UNC5D: variants seen among roughly 807,000 people sequenced by gnomAD.
UNC5D encodes the protein netrin receptor UNC5D.
UNC5D carries 39 observed loss-of-function variants against 105.4 expected under a neutral mutation model. That is an observed-to-expected ratio of 0.37 (90% CI 0.29 to 0.48). The LOEUF is 0.48. Among genes scored for constraint, UNC5D ranks in the 20% least tolerant of loss-of-function variants. UNC5D has a pLI of 0.98. For missense variants in UNC5D, 991 were observed against 1,202.4 expected (o/e 0.82, Z 2.60); for synonymous variants, 452 against 450.4 (o/e 1.00, Z -0.04).
chr8:35,298,112 C>T (rs1807638923), intron 1 of UNC5D, among the ~76,000 whole-genome samples: 1 of 152,174 alleles, frequency 6.6e-6, no homozygotes, highest in African/African-American at 2.4e-5. Context: ...TCTGAATATG[C>T]AAGTCCTGGG....
chr8:35,782,527 G>A (rs1055099692), intron 16 of UNC5D, among the ~76,000 whole-genome samples: 5 of 140,820 alleles, frequency 3.6e-5, no homozygotes, highest in Admixed American at 7.2e-5. Context: ...TTTTTGAGAC[G>A]GAGTCTCACC....
rs1806021727 is a variant in UNC5D at position 35,423,108 on chromosome 8, A to T, written c.104-126184A>T. Among the ~76,000 whole-genome samples the T allele has an allele frequency of 2.0e-5, 3 of 152,356 alleles. No homozygotes were observed. The South Asian group carries it at 6.2e-4, about 32-fold the overall frequency. ...GCTTTTGAGAAGCAGCTGCAATGCA[A>T]CTTAACCTGTGGTTTAGTGGTCAAT... is the stretch of plus-strand genomic sequence containing the variant. On this transcript the variant is annotated intron_variant, in intron 1 of 16. Transcript: ENST00000404895.
chr8:35,610,494 A>T lies in UNC5D; in HGVS notation c.570+14837A>T, dbSNP rs571815406. 1.1e-3 allele frequency among the ~76,000 whole-genome samples: 164 copies of T among 152,286 alleles called. 1 individual carries two copies. Among genetic ancestry groups the T allele is most frequent in the African/African-American group, 3.8e-3 (156 of 41,568 alleles). On this transcript the variant is annotated intron_variant, in intron 4 of 16. Transcript: ENST00000404895. ...ATAAAACTAAGAACAGAGCACTGAG[A>T]CTGTGGAATTTTTGGAGGCCGAGGG... is the stretch of plus-strand genomic sequence containing the variant.
At chr8:35,704,362 A>G (rs1392172202) in intron 7 of UNC5D, among the ~76,000 whole-genome samples, 1 of 152,226 alleles carries the variant, frequency 6.6e-6, no homozygotes, top group Non-Finnish European at 1.5e-5. Flanking sequence ...AGTTAGGGTG[A>G]GAAAGACTCT....
intron 1 of UNC5D, among the ~76,000 whole-genome samples, chr8:35,250,582 C>A (rs957395802): frequency 1.6e-4 from 24 of 152,104 alleles, no homozygotes; most frequent in African/African-American, 5.6e-4. Flanking sequence ...GCAACCTCCG[C>A]CTCCCTGGCT....
chr8:35,694,679 A>G (rs1198822445), intron 7 of UNC5D, among the ~76,000 whole-genome samples: 2 of 151,698 alleles, frequency 1.3e-5, no homozygotes, highest in Non-Finnish European at 2.9e-5. Context: ...TCTATTATAC[A>G]AAATAGCAAT....
At chr8:35,255,715 T>G (rs1804033154) in intron 1 of UNC5D, 1 of 152,222 alleles carries the variant, frequency 6.6e-6, no homozygotes, top group African/African-American at 2.4e-5. Context: ...AATATCTCAG[T>G]TGTGGTATAG....
At chr8:35,305,796 C>T (rs2128874826) in intron 1 of UNC5D, among the ~76,000 whole-genome samples, 1 of 146,794 alleles carries the variant, frequency 6.8e-6, no homozygotes, top group East Asian at 2.0e-4. Context: ...TTCTTTCTTT[C>T]TCTCTTTTCT....
intron 1 of UNC5D, among the ~76,000 whole-genome samples, chr8:35,436,614 A>G (rs1361424817): frequency 6.6e-6 from 1 of 151,938 alleles, no homozygotes; most frequent in Non-Finnish European, 1.5e-5. Context: ...GTCATACAGA[A>G]ATTTTTAGTA....
chr8:35,696,931 G>T (rs964572836), intron 7 of UNC5D, among the ~76,000 whole-genome samples: 1 of 151,962 alleles, frequency 6.6e-6, no homozygotes, highest in Non-Finnish European at 1.5e-5. Flanking sequence ...GATATCATAG[G>T]GTAGTAAAAA....
chr8:35,765,249 G>A lies in UNC5D; in HGVS notation c.2314-1653G>A, dbSNP rs560430433. Among the ~76,000 whole-genome samples the A allele has an allele frequency of 2.9e-3, 435 of 152,278 alleles. 4 individuals carry two copies. Among genetic ancestry groups the A allele is most frequent in the Non-Finnish European group, 3.6e-3 (247 of 68,018 alleles). ...TGGGAATGTGAACTCCTGCCAGCAGGGGAGTCTATAAAATGTAGTTTTTAG... is the reference window on the plus strand; with the variant it reads ...TGGGAATGTGAACTCCTGCCAGCAGAGGAGTCTATAAAATGTAGTTTTTAG... On this transcript the variant is annotated intron_variant, in intron 14 of 16. Coordinates refer to ENST00000404895, the MANE Select transcript of UNC5D (RefSeq NM_080872.4).
intron 1 of UNC5D, chr8:35,525,712 G>T (rs1020714677): frequency 2.5e-6 from 4 of 1,594,332 alleles, no homozygotes; most frequent in Middle Eastern, 2.2e-4. Flanking sequence ...TGGCACGTCC[G>T]GCACGACACC....
intron 1 of UNC5D, among the ~76,000 whole-genome samples, chr8:35,449,763 T>TAA (rs1380818110): frequency 2.6e-5 from 4 of 152,140 alleles, no homozygotes; most frequent in Non-Finnish European, 5.9e-5. Context: ...TGACCTACTG[T>TAA]TTGCACATGG....
intron 1 of UNC5D, among the ~76,000 whole-genome samples, chr8:35,418,128 A>T (rs571396703): frequency 6.6e-6 from 1 of 151,544 alleles, no homozygotes; most frequent in African/African-American, 2.4e-5. Context: ...GATTTTAAAT[A>T]TTTTTTTTTA....
intron 1 of UNC5D, among the ~76,000 whole-genome samples, chr8:35,495,436 A>T (rs558062932): frequency 3.4e-4 from 51 of 148,174 alleles, no homozygotes; most frequent in African/African-American, 1.3e-3. Flanking sequence ...CACTAGTGAA[A>T]GCTGATGAAC....
At chr8:35,409,938 T>TA (rs1406960758) in intron 1 of UNC5D, among the ~76,000 whole-genome samples, 2 of 151,850 alleles carry the variant, frequency 1.3e-5, no homozygotes, top group African/African-American at 2.4e-5. Flanking sequence ...TTTTTTTTTT[T>TA]TAAACATAGC....
chr8:35,497,258 C>T (rs974035827), intron 1 of UNC5D, among the ~76,000 whole-genome samples: 3 of 152,248 alleles, frequency 2.0e-5, no homozygotes, highest in Admixed American at 2.0e-4. Flanking sequence ...TAGGATGTTC[C>T]TTTCTTCTGG....
At chr8:35,693,492 A>G (rs1826548871) in intron 7 of UNC5D, among the ~76,000 whole-genome samples, 1 of 152,160 alleles carries the variant, frequency 6.6e-6, no homozygotes. Context: ...GCTATTAAAA[A>G]TCTGTGGCCT....
intron 1 of UNC5D, among the ~76,000 whole-genome samples, chr8:35,322,840 A>G (rs1051343358): frequency 9.2e-5 from 14 of 152,112 alleles, no homozygotes; most frequent in Admixed American, 2.0e-4. Context: ...TGAGTTTACT[A>G]CTCTCCGAAG....
Sources: allele counts gnomAD v4.1 joint callset (sites outside exome capture counted in the v4.1 genomes callset), GRCh38; gene constraint gnomAD v4.1.1; transcripts MANE v1.5; gene names NCBI Gene and HGNC (gene_info 2026-07-23, HGNC 2026-07-21).